The following CACNB2 variants were observed in gnomAD, a reference collection of about 807,000 sequenced individuals.
CACNB2 encodes calcium voltage-gated channel auxiliary subunit beta 2.
A neutral mutation model predicts 73.3 loss-of-function variants in CACNB2; 42 were observed. That is an observed-to-expected ratio of 0.57 (90% CI 0.45 to 0.74). The LOEUF is 0.74. Ranked by LOEUF, CACNB2 falls within the 30% of genes least tolerant of loss-of-function variation. The pLI is 0.00. For synonymous variants in CACNB2, 348 were observed against 310.3 expected, an observed-to-expected ratio of 1.12 and a Z score of -1.28; for missense variants, 940 against 853.0, an observed-to-expected ratio of 1.10 and a Z score of -1.27.
At chr10:18,320,396 C>T (rs1013232) in intron 2 of CACNB2, among the ~76,000 whole-genome samples, 78,828 of 151,860 alleles carry the variant, frequency 0.52, 20,957 homozygotes, top group African/African-American at 0.63. Flanking sequence ...AATTTTTTTT[C>T]GTTTGGTGAA....
At chr10:18,325,265 C>T (rs552328995) in intron 2 of CACNB2, among the ~76,000 whole-genome samples, 51 of 152,220 alleles carry the variant, frequency 3.4e-4, no homozygotes, top group Non-Finnish European at 7.3e-4. Context: ...TCATAGCTCA[C>T]TATAACCTTG....
chr10:18,235,255 C>A (rs2036395025), intron 2 of CACNB2, among the ~76,000 whole-genome samples: 1 of 152,042 alleles, frequency 6.6e-6, no homozygotes, highest in African/African-American at 2.4e-5. Flanking sequence ...GCATTCAGAA[C>A]CAGCCTGGGC....
intron 4 of CACNB2, 32 bp downstream of exon 4, chr10:18,498,509 T>C (rs1444540169): frequency 1.2e-6 from 2 of 1,611,020 alleles, no homozygotes; most frequent in African/African-American, 2.7e-5. Flanking sequence ...TCTAACAGCA[T>C]GATGTTTCAC....
chr10:18,402,159 GT>G, intron 3 of CACNB2, 116 bp downstream of exon 3: 1 of 1,198,150 alleles, frequency 8.3e-7, no homozygotes, highest in Non-Finnish European at 1.2e-6. Flanking sequence ...TCATTGTCTG[GT>G]TTTAGAAAGG....
intron 2 of CACNB2, among the ~76,000 whole-genome samples, chr10:18,171,224 A>G (rs955774109): frequency 1.3e-5 from 2 of 152,090 alleles, no homozygotes; most frequent in African/African-American, 4.8e-5. Flanking sequence ...GTTTCACTCA[A>G]TTTCTCCAGC....
chr10:18,526,885 T>G (rs2052522523), intron 9 of CACNB2, among the ~76,000 whole-genome samples: 1 of 152,208 alleles, frequency 6.6e-6, no homozygotes. Context: ...GTCAGGAGTC[T>G]GGGTTCAAAT....
At chr10:18,220,042 C>A (rs2035669950) in intron 2 of CACNB2, among the ~76,000 whole-genome samples, 1 of 145,828 alleles carries the variant, frequency 6.9e-6, no homozygotes, top group Non-Finnish European at 1.5e-5. Flanking sequence ...GCTGGGATTA[C>A]AGGTATGAGC....
chr10:18,352,369 A>G (rs1268092672), intron 2 of CACNB2, among the ~76,000 whole-genome samples: 1 of 152,266 alleles, frequency 6.6e-6, no homozygotes, highest in African/African-American at 2.4e-5. Flanking sequence ...TGAAGATAGC[A>G]CATGTCACCA....
At chr10:18,372,660 G>A (rs1172815397) in intron 2 of CACNB2, among the ~76,000 whole-genome samples, 4 of 152,096 alleles carry the variant, frequency 2.6e-5, no homozygotes, top group African/African-American at 4.8e-5. Context: ...ACCCGCCTTC[G>A]CCTCCCAAAG....
chr10:18,424,639 A>G (rs2045505400), intron 3 of CACNB2, among the ~76,000 whole-genome samples: 1 of 152,132 alleles, frequency 6.6e-6, no homozygotes, highest in African/African-American at 2.4e-5. Context: ...CTTCCTGTTC[A>G]TTACATTATG....
intron 2 of CACNB2, among the ~76,000 whole-genome samples, chr10:18,327,028 G>A (rs1013382381): frequency 3.4e-5 from 5 of 145,002 alleles, no homozygotes; most frequent in Non-Finnish European, 7.7e-5. Context: ...TGCACCTAGT[G>A]AAAGTAATGA....
intron 2 of CACNB2, chr10:18,151,270 ATTGT>A: frequency 1.2e-5 from 3 of 257,724 alleles, no homozygotes; most frequent in East Asian, 1.9e-4. Context: ...ATTTGGGGGG[ATTGT>A]TTTTTTTTTT....
At chr10:18,408,804 T>C (rs2044444656) in intron 3 of CACNB2, among the ~76,000 whole-genome samples, 1 of 152,196 alleles carries the variant, frequency 6.6e-6, no homozygotes, top group East Asian at 1.9e-4. Context: ...CGCAAATTTT[T>C]TCTTCAAGGG....
At chr10:18,368,628 A>AT (rs970439765) in intron 2 of CACNB2, among the ~76,000 whole-genome samples, 2 of 152,124 alleles carry the variant, frequency 1.3e-5, no homozygotes, top group Non-Finnish European at 2.9e-5. Flanking sequence ...AGGTTTTGTT[A>AT]TTTTTTTAAT....
intron 2 of CACNB2, among the ~76,000 whole-genome samples, chr10:18,170,892 A>G (rs2033174192): frequency 6.6e-6 from 1 of 152,230 alleles, no homozygotes; most frequent in Admixed American, 6.5e-5. Context: ...GGGGAAATTA[A>G]CATATTAAGA....
At chr10:18,484,882 C>T (rs1398169781) in intron 3 of CACNB2, among the ~76,000 whole-genome samples, 1 of 152,180 alleles carries the variant, frequency 6.6e-6, no homozygotes, top group South Asian at 2.1e-4. Context: ...TGGCTGGGCG[C>T]GATGGCTCAC....
intron 3 of CACNB2, among the ~76,000 whole-genome samples, chr10:18,426,748 T>A (rs1467537635): frequency 6.6e-6 from 1 of 152,176 alleles, no homozygotes; most frequent in Non-Finnish European, 1.5e-5. Context: ...TTCAATTATT[T>A]TTCATCTTAC....
chr10:18,168,160 C>T (rs1000212845), intron 2 of CACNB2, among the ~76,000 whole-genome samples: 3 of 152,186 alleles, frequency 2.0e-5, no homozygotes, highest in Non-Finnish European at 4.4e-5. Context: ...ATGGCTCATG[C>T]CTGTAATCAT....
chr10:18,156,608 C>A (rs1442919621), intron 2 of CACNB2, among the ~76,000 whole-genome samples: 3 of 152,174 alleles, frequency 2.0e-5, no homozygotes, highest in African/African-American at 7.2e-5. Flanking sequence ...TATGAGGTTG[C>A]TGTTGGTTCT....
Sources: allele counts gnomAD v4.1 joint callset (sites outside exome capture counted in the v4.1 genomes callset), GRCh38; gene constraint gnomAD v4.1.1; transcripts MANE v1.5; gene names NCBI Gene and HGNC (gene_info 2026-07-23, HGNC 2026-07-21).